Variants in SAMD4A observed in about 807,000 individuals in gnomAD.
SAMD4A encodes sterile alpha motif domain containing 4A, also known as protein Smaug homolog 1.
A neutral mutation model predicts 81.3 loss-of-function variants in SAMD4A; 33 were observed. That is an observed-to-expected ratio of 0.41 (90% CI 0.31 to 0.54). The LOEUF (loss-of-function observed/expected upper bound fraction) is 0.54. Ranked by LOEUF, SAMD4A falls within the 20% of genes least tolerant of loss-of-function variation. SAMD4A has a pLI of 0.37. For missense variants in SAMD4A, 854 were observed against 951.1 expected (o/e 0.90, Z 1.34); for synonymous variants, 389 against 382.1 (o/e 1.02, Z -0.21).
chr14:54,760,040 C>T, intron 6 of SAMD4A, 121 bp from the exon 7 acceptor site: 1 of 985,012 alleles, frequency 1.0e-6, no homozygotes, highest in Non-Finnish European at 1.5e-6. Flanking sequence ...CCAAAAACGT[C>T]CTGATGAGGG....
chr14:54,745,404 C>T (rs1239629987), intron 4 of SAMD4A, among the ~76,000 whole-genome samples: 1 of 152,166 alleles, frequency 6.6e-6, no homozygotes, highest in East Asian at 1.9e-4. Flanking sequence ...AAATGGCTTC[C>T]TCACTGTGGC....
intron 2 of SAMD4A, among the ~76,000 whole-genome samples, chr14:54,640,915 C>G (rs1316182140): frequency 6.6e-6 from 1 of 152,208 alleles, no homozygotes; most frequent in Non-Finnish European, 1.5e-5. Flanking sequence ...TCAAGAGTTT[C>G]CTTTTGGTCT....
intron 2 of SAMD4A, among the ~76,000 whole-genome samples, chr14:54,657,048 G>A (rs1281960823): frequency 2.0e-5 from 3 of 151,980 alleles, no homozygotes; most frequent in Admixed American, 1.3e-4. Context: ...CAAATTGACT[G>A]GTATTCAGGA....
At chr14:54,583,894 C>G (rs1420630667) in intron 2 of SAMD4A, among the ~76,000 whole-genome samples, 2 of 152,142 alleles carry the variant, frequency 1.3e-5, no homozygotes, top group Non-Finnish European at 2.9e-5. Flanking sequence ...GTTAAATTAT[C>G]AAATGTAATG....
chr14:54,649,296 GA>G (rs1209421576), intron 2 of SAMD4A, among the ~76,000 whole-genome samples: 1 of 152,206 alleles, frequency 6.6e-6, no homozygotes, highest in Non-Finnish European at 1.5e-5. Context: ...GAAGCTAAAT[GA>G]CAAAAGTATT....
At chr14:54,625,727 A>C (rs1415881106) in intron 2 of SAMD4A, among the ~76,000 whole-genome samples, 4 of 152,158 alleles carry the variant, frequency 2.6e-5, no homozygotes. Context: ...CTTTATAATA[A>C]ATTTTTTAAT....
At chr14:54,745,454 G>A (rs368044683) in intron 4 of SAMD4A, among the ~76,000 whole-genome samples, 4 of 152,116 alleles carry the variant, frequency 2.6e-5, no homozygotes, top group East Asian at 3.8e-4. Flanking sequence ...CTTTGAAGCT[G>A]CCCCTCGCTC....
In SAMD4A at chr14:54,733,944, T is replaced by C. The variant is rs558449882; in HGVS notation, c.716-3080T>C. The stretch of plus-strand genomic sequence containing the variant: ...CTGGGGATGAAACAACCACTGCTAC[T>C]CTGCCACTGGCCCCCTCGTCAATTC... On this transcript the variant is annotated intron_variant, in intron 3 of 12. Transcript: ENST00000554335. Among the ~76,000 whole-genome samples the C allele has an allele frequency of 1.1e-4, 17 of 152,342 alleles. No homozygotes were observed. In the South Asian group the frequency reaches 3.5e-3, roughly 32 times the overall value.
At chr14:54,761,439 C>G (rs1467644643) in intron 7 of SAMD4A, among the ~76,000 whole-genome samples, 1 of 152,186 alleles carries the variant, frequency 6.6e-6, no homozygotes. Context: ...TCTGGCGCCT[C>G]CTTGTTACCT....
chr14:54,571,032 TAA>T (rs33978860), intron 2 of SAMD4A, among the ~76,000 whole-genome samples: 68 of 152,044 alleles, frequency 4.5e-4, no homozygotes, highest in African/African-American at 1.5e-3. Flanking sequence ...CTCAGTATAA[TAA>T]AAAAAAATTA....
At chr14:54,724,849 A>G (rs1046886206) in intron 3 of SAMD4A, among the ~76,000 whole-genome samples, 2 of 152,232 alleles carry the variant, frequency 1.3e-5, no homozygotes, top group Admixed American at 1.3e-4. Flanking sequence ...TACTGGTATC[A>G]TAAGGCAGAC....
intron 2 of SAMD4A, among the ~76,000 whole-genome samples, chr14:54,626,583 C>T (rs2034770501): frequency 1.3e-5 from 2 of 152,108 alleles, no homozygotes; most frequent in South Asian, 4.1e-4. Context: ...GAACGGGTCT[C>T]CCTTAAACCT....
chr14:54,731,433 C>T (rs770057325), intron 3 of SAMD4A, among the ~76,000 whole-genome samples: 27 of 152,214 alleles, frequency 1.8e-4, no homozygotes, highest in Admixed American at 7.2e-4. Context: ...TGTGGACACA[C>T]AGCATACATC....
intron 7 of SAMD4A, among the ~76,000 whole-genome samples, chr14:54,762,844 C>T (rs1261529142): frequency 6.7e-6 from 1 of 149,916 alleles, no homozygotes; most frequent in Non-Finnish European, 1.5e-5. Context: ...CATACATAAG[C>T]ACATGAATAT....
intron 2 of SAMD4A, among the ~76,000 whole-genome samples, chr14:54,576,244 C>G (rs527594475): frequency 6.6e-6 from 1 of 152,192 alleles, no homozygotes; most frequent in Non-Finnish European, 1.5e-5. Context: ...CATTGACTTT[C>G]ATTGTATACA....
chr14:54,567,561 C>G lies in SAMD4A; in HGVS notation c.-356C>G, dbSNP rs2032977006. The G allele has an allele frequency of 3.6e-6, 1 of 274,098 alleles. No homozygotes were observed. Among genetic ancestry groups the G allele is most frequent in the African/African-American group, 2.3e-5 (1 of 43,152 alleles). 17.0% of individuals were successfully genotyped at this position (274,098 alleles called of 1,614,324 possible). A position where few individuals can be genotyped will look rare whatever the true frequency, so the allele number is the denominator to read the frequency against. ...GTTGCCGCCCAGCGGGGAGGAGACC[C>G]CAGGACGCCGGAAATCACCATCCCA... On this transcript the variant is annotated 5_prime_UTR_variant, in exon 2 of 13. Transcript: ENST00000554335.
At chr14:54,610,303 A>G (rs746581580) in intron 2 of SAMD4A, among the ~76,000 whole-genome samples, 3 of 152,336 alleles carry the variant, frequency 2.0e-5, no homozygotes, top group Middle Eastern at 3.4e-3. Context: ...CTACAAAAAT[A>G]TAAACTGAAC....
intron 2 of SAMD4A, among the ~76,000 whole-genome samples, chr14:54,646,156 C>G (rs1342955949): frequency 6.6e-6 from 1 of 152,080 alleles, no homozygotes; most frequent in Non-Finnish European, 1.5e-5. Flanking sequence ...TCACAGAGGC[C>G]CTACTTCCTA....
intron 12 of SAMD4A, among the ~76,000 whole-genome samples, 195 bp downstream of exon 12, chr14:54,784,815 C>G (rs1316564062): frequency 6.6e-6 from 1 of 152,132 alleles, no homozygotes; most frequent in Non-Finnish European, 1.5e-5. Flanking sequence ...GCCAAGTGGC[C>G]AGTGCCCTGT....
Sources: allele counts gnomAD v4.1 joint callset (sites outside exome capture counted in the v4.1 genomes callset), GRCh38; gene constraint gnomAD v4.1.1; transcripts MANE v1.5; gene names NCBI Gene and HGNC (gene_info 2026-07-23, HGNC 2026-07-21).